The following UST variants were observed in gnomAD, a reference collection of about 807,000 sequenced individuals.
UST encodes chondroitin sulfate 2-O-sulfotransferase.
Under a neutral mutation model 45.6 loss-of-function variants are expected in UST, and 21 were observed. That is an observed-to-expected ratio of 0.46 (90% CI 0.33 to 0.66). The LOEUF (loss-of-function observed/expected upper bound fraction) is 0.66. Among genes scored for constraint, UST ranks in the 30% least tolerant of loss-of-function variants. The probability of loss-of-function intolerance (pLI) is 0.02; values close to 1 mark genes in which losing one functional copy is unlikely to be tolerated. For synonymous variants in UST, 215 were observed against 200.6 expected (o/e 1.07, Z -0.61); for missense variants, 463 against 512.4 (o/e 0.90, Z 0.93).
intron 7 of UST, among the ~76,000 whole-genome samples, chr6:149,061,160 TC>T (rs1776649893): frequency 6.6e-6 from 1 of 152,250 alleles, no homozygotes; most frequent in Admixed American, 6.5e-5. Flanking sequence ...GCCTCTGTCC[TC>T]CGGTGCAGCA....
At position 148,863,694 on chromosome 6, in the gene UST, C is replaced by A. The variant is rs1446145523; in HGVS notation, c.248-23292C>A. 3.3e-5 allele frequency among the ~76,000 whole-genome samples: 5 copies of A among 152,104 alleles called. No individual in the cohort carries two copies. In the East Asian group the frequency reaches 5.8e-4, roughly 18 times the overall value. Reference sequence around the variant, plus strand: ...ACAGATGGGGTTTTGGTGTGGATGTCCTTTCTGTTTGTTAGTTTTCCTTCT... The same window carrying A: ...ACAGATGGGGTTTTGGTGTGGATGTACTTTCTGTTTGTTAGTTTTCCTTCT... On this transcript the variant is annotated intron_variant, in intron 1 of 7. Coordinates refer to ENST00000367463, the MANE Select transcript of UST (RefSeq NM_005715.3).
intron 2 of UST, among the ~76,000 whole-genome samples, chr6:148,915,800 T>C (rs1489312573): frequency 1.3e-5 from 2 of 152,246 alleles, no homozygotes; most frequent in African/African-American, 2.4e-5. Flanking sequence ...GATAAATTTT[T>C]GTCCTAACAC....
Position 149,073,949 on chromosome 6 carries a change from A to G in UST, c.1054A>G (p.Lys352Glu), listed in dbSNP as rs1488676860. 4 of 1,614,154 alleles carry G rather than the reference A, an allele frequency of 2.5e-6. No individual in the cohort carries two copies. In the East Asian group the frequency reaches 8.9e-5, roughly 36 times the overall value. Residue 352 changes from lysine (K) to glutamate (E), a missense_variant, in exon 8 of 8, where the codon AAA (lysine) becomes GAA (glutamate). Transcript: ENST00000367463. ...RYEYEFYHYV[K>E]EQFHLLKRKF... is the part of the protein sequence containing the mutation. ...CGAGTACGAGTTTTACCACTACGTC[A>G]AAGAGCAGTTCCACCTGCTGAAGCG...
At chr6:148,835,211 T>TGTACTAAA (rs1777764166) in intron 1 of UST, among the ~76,000 whole-genome samples, 1 of 152,152 alleles carries the variant, frequency 6.6e-6, no homozygotes. Context: ...TACATAGCAT[T>TGTACTAAA]TACATTGTAT....
chr6:148,829,771 T>C (rs1306388744), intron 1 of UST, among the ~76,000 whole-genome samples: 1 of 152,218 alleles, frequency 6.6e-6, no homozygotes, highest in South Asian at 2.1e-4. Context: ...TTTCTAATAG[T>C]TACTCATAGC....
At chr6:148,959,111 G>A (rs992177033) in intron 4 of UST, 1 of 152,216 alleles carries the variant, frequency 6.6e-6, no homozygotes, top group Non-Finnish European at 1.5e-5. Flanking sequence ...TGATGTGCAA[G>A]GGGGTGCATT....
chr6:149,033,087 G>T (rs1776179985), intron 7 of UST, among the ~76,000 whole-genome samples: 1 of 152,258 alleles, frequency 6.6e-6, no homozygotes, highest in African/African-American at 2.4e-5. Context: ...TTGACCCCAG[G>T]GGTTGATGGT....
rs1254925032 is a variant in UST, at chr6:149,075,211, G to A, written c.*1095G>A. The A allele has an allele frequency of 6.6e-6, 1 of 152,200 alleles. No individual in the cohort carries two copies. Among genetic ancestry groups the A allele is most frequent in the African/African-American group, 2.4e-5 (1 of 41,448 alleles). The allele number at this position is 152,200 out of a possible 1,614,324, so 9.4% of individuals were successfully genotyped here. On this transcript the variant is annotated 3_prime_UTR_variant, in exon 8 of 8. Coordinates refer to ENST00000367463, the MANE Select transcript of UST (RefSeq NM_005715.3). Reference sequence around the variant, plus strand: ...AGTTCTGAGCCTGACCACAGATGGTGTGTAATCTATCAAACACACCCCTGG... The same window carrying A: ...AGTTCTGAGCCTGACCACAGATGGTATGTAATCTATCAAACACACCCCTGG...
At chr6:148,774,353 C>T (rs897493629) in intron 1 of UST, among the ~76,000 whole-genome samples, 1 of 150,948 alleles carries the variant, frequency 6.6e-6, no homozygotes, top group Non-Finnish European at 1.5e-5. Flanking sequence ...AGACAAGGCC[C>T]TATTCACTGT....
chr6:148,947,930 A>AG (rs1780281594), intron 3 of UST, among the ~76,000 whole-genome samples: 1 of 151,990 alleles, frequency 6.6e-6, no homozygotes, highest in Non-Finnish European at 1.5e-5. Flanking sequence ...TGGAAAAAAA[A>AG]AAAAGAAAAA....
chr6:148,917,049 A>G (rs993178337), intron 2 of UST, among the ~76,000 whole-genome samples: 8 of 152,126 alleles, frequency 5.3e-5, no homozygotes, highest in Non-Finnish European at 1.2e-4. Context: ...CAAAGAGGAG[A>G]AAGGAGTGAA....
intron 1 of UST, among the ~76,000 whole-genome samples, chr6:148,749,471 T>G (rs1423749846): frequency 6.6e-6 from 1 of 151,968 alleles, no homozygotes; most frequent in African/African-American, 2.4e-5. Context: ...CTGTGCTCAT[T>G]GTCCTCAAAG....
intron 2 of UST, among the ~76,000 whole-genome samples, chr6:148,926,014 TTTC>T (rs1207714924): frequency 2.6e-5 from 4 of 152,252 alleles, no homozygotes; most frequent in Admixed American, 1.3e-4. Context: ...ATAACAAACA[TTTC>T]TTCTTCTCCA....
chr6:148,949,292 AAATAATAATAATAATAATAAT>A (rs56946786), intron 3 of UST, among the ~76,000 whole-genome samples: 9 of 141,356 alleles, frequency 6.4e-5, no homozygotes, highest in South Asian at 2.3e-4. Context: ...CTTCGTCTCA[AAATAATAATAATAATAATAAT>A]AATAATAATA....
At chr6:149,018,026 T>C (rs1393916321) in intron 5 of UST, among the ~76,000 whole-genome samples, 6 of 152,178 alleles carry the variant, frequency 3.9e-5, no homozygotes, top group African/African-American at 1.4e-4. Context: ...CATGGTAAAC[T>C]CAAGTGCTTG....
chr6:148,753,780 T>C (rs761820231), intron 1 of UST, among the ~76,000 whole-genome samples: 9 of 152,226 alleles, frequency 5.9e-5, no homozygotes, highest in Non-Finnish European at 1.3e-4. Flanking sequence ...TGCACCATTT[T>C]ACATCCCCCG....
chr6:148,787,434 A>C (rs1248361728), intron 1 of UST, among the ~76,000 whole-genome samples: 7 of 152,184 alleles, frequency 4.6e-5, no homozygotes, highest in Admixed American at 2.6e-4. Context: ...TGCACCATTT[A>C]TTAAATAGGA....
intron 3 of UST, among the ~76,000 whole-genome samples, chr6:148,943,226 A>G (rs1322652836): frequency 6.6e-6 from 1 of 152,218 alleles, no homozygotes; most frequent in Non-Finnish European, 1.5e-5. Flanking sequence ...TAAATATAAT[A>G]TCATCATACT....
Position 148,906,257 on chromosome 6 carries a change from A to T in UST, c.291+19228A>T, listed in dbSNP as rs935960312. The stretch of plus-strand genomic sequence containing the variant: ...TTTCTTTCTTCCTCTTCAAAACCAG[A>T]TGTCTTCCTCCCCTTGGCCAAAAAG... On this transcript the variant is annotated intron_variant, in intron 2 of 7. Transcript: ENST00000367463. Among the ~76,000 whole-genome samples the T allele has an allele frequency of 2.6e-5, 4 of 152,170 alleles. 1 individual carries two copies. Among genetic ancestry groups the T allele is most frequent in the Admixed American group, 2.6e-4 (4 of 15,276 alleles).
Sources: gnomAD v4.1 joint callset for allele counts (sites outside exome capture counted in the v4.1 genomes callset) on GRCh38, gnomAD v4.1.1 for gene constraint, MANE v1.5 for transcripts, NCBI Gene and HGNC (gene_info 2026-07-23, HGNC 2026-07-21) for gene names.